Variants in FOCAD observed in about 807,000 individuals in gnomAD.
FOCAD encodes the protein KIAA1797.
In FOCAD, 198 loss-of-function variants were observed where a neutral mutation model predicts 225.6. The ratio of observed to expected loss-of-function variants is 0.88; its 90% CI spans 0.78 to 0.99. The LOEUF (loss-of-function observed/expected upper bound fraction) is 0.99, where lower values mean the gene tolerates loss of function less well. FOCAD is among the 50% of genes least tolerant of loss of function. The pLI is 0.00. For missense variants in FOCAD, 2,713 were observed against 2,123.6 expected, an observed-to-expected ratio of 1.28 and a Z score of -5.46; for synonymous variants, 897 against 755.0, an observed-to-expected ratio of 1.19 and a Z score of -3.08.
rs796275636 is a variant in FOCAD at position 20,770,151 on chromosome 9, G to C, written c.819G>C (p.Leu273=). ...IQLTQMSLQL[L]CVSEVSLKIT... is the part of the protein sequence containing the mutation. ...TTACCCAGATGAGTCTTCAGCTGCTGTGTGTCAGTGAAGTCAGCTTAAAGA... is the reference window on the plus strand; with the variant it reads ...TTACCCAGATGAGTCTTCAGCTGCTCTGTGTCAGTGAAGTCAGCTTAAAGA... Residue 273 remains leucine, a synonymous_variant, in exon 8 of 44, where the codon CTG becomes CTC. Transcript: ENST00000338382. 5 of 1,614,062 alleles carry C rather than the reference G, an allele frequency of 3.1e-6. No homozygotes were observed. The African/African-American group carries it at 5.3e-5, about 17-fold the overall frequency.
At chr9:20,676,748 C>G (rs921233315) in intron 2 of FOCAD, among the ~76,000 whole-genome samples, 5 of 152,078 alleles carry the variant, frequency 3.3e-5, no homozygotes, top group Non-Finnish European at 7.4e-5. Flanking sequence ...TTAAAGAAGA[C>G]ACAGATAAAT....
intron 4 of FOCAD, among the ~76,000 whole-genome samples, chr9:20,737,332 A>G (rs576424103): frequency 6.6e-6 from 1 of 152,342 alleles, no homozygotes; most frequent in East Asian, 1.9e-4. Flanking sequence ...TGTTATCTCT[A>G]GAACTCTAGT....
intron 4 of FOCAD, 82 bp downstream of exon 4, chr9:20,720,616 A>AGCT (rs1340128876): frequency 7.3e-7 from 1 of 1,376,860 alleles, no homozygotes; most frequent in African/African-American, 1.4e-5. Context: ...AAGAGTCAGC[A>AGCT]TTCATCCTAC....
At chr9:20,730,761 C>T (rs2131603226) in intron 4 of FOCAD, among the ~76,000 whole-genome samples, 1 of 152,250 alleles carries the variant, frequency 6.6e-6, no homozygotes, top group East Asian at 1.9e-4. Flanking sequence ...AATTAATTTA[C>T]AGGGTGGTAG....
intron 24 of FOCAD, among the ~76,000 whole-genome samples, chr9:20,921,861 T>C (rs776392486): frequency 2.6e-5 from 4 of 152,182 alleles, no homozygotes; most frequent in Non-Finnish European, 5.9e-5. Context: ...AAAAGAACTT[T>C]TTATGTTATC....
intron 19 of FOCAD, among the ~76,000 whole-genome samples, chr9:20,880,105 C>T (rs530167306): frequency 6.6e-6 from 1 of 152,308 alleles, no homozygotes; most frequent in Admixed American, 6.5e-5. Context: ...TCGGATATTA[C>T]TCATCTGTTT....
At chr9:20,725,750 T>G (rs1353355092) in intron 4 of FOCAD, among the ~76,000 whole-genome samples, 1 of 152,198 alleles carries the variant, frequency 6.6e-6, no homozygotes, top group African/African-American at 2.4e-5. Flanking sequence ...GAAAAAGACT[T>G]GACATTTGCA....
Position 20,907,133 on chromosome 9 carries a change from G to A in FOCAD, c.2626-17G>A. Reference sequence around the variant, plus strand: ...ATACTGTGTAGCCTAATATGTTGTGGTACATTTTTCCCATAGGTTCATATC... The same window carrying A: ...ATACTGTGTAGCCTAATATGTTGTGATACATTTTTCCCATAGGTTCATATC... On this transcript the variant is annotated splice_polypyrimidine_tract_variant and intron_variant, in intron 21 of 43. Coordinates refer to ENST00000338382, the MANE Select transcript of FOCAD (RefSeq NM_001375567.1). 2.5e-6 allele frequency: 4 copies of A among 1,590,628 alleles called. No homozygotes were observed. The highest frequency in any genetic ancestry group is 1.1e-5 in the South Asian group (1 of 90,484).
intron 15 of FOCAD, among the ~76,000 whole-genome samples, chr9:20,847,043 A>G (rs1334090594): frequency 6.6e-6 from 1 of 152,138 alleles, no homozygotes; most frequent in African/African-American, 2.4e-5. Context: ...TGCTAAATGC[A>G]AGCACTTTTG....
chr9:20,701,281 G>C (rs1196146272), intron 1 of FOCAD, among the ~76,000 whole-genome samples: 2 of 152,268 alleles, frequency 1.3e-5, no homozygotes, highest in South Asian at 4.1e-4. Flanking sequence ...TTCTTCCTGA[G>C]CGTTCCAATA....
chr9:20,788,988 T>G (rs1456547353), intron 10 of FOCAD, among the ~76,000 whole-genome samples: 1 of 152,092 alleles, frequency 6.6e-6, no homozygotes, highest in Non-Finnish European at 1.5e-5. Context: ...ATACAGTATT[T>G]TTTTTTTTTA....
intron 34 of FOCAD, 72 bp from the exon 35 acceptor site, chr9:20,952,913 T>G: frequency 1.4e-3 from 1,641 of 1,158,928 alleles, no homozygotes; most frequent in Non-Finnish European, 1.8e-3. Context: ...TATGGCAGCA[T>G]GAGATCATTA....
chr9:20,669,259 C>T (rs1821986779), intron 2 of FOCAD, among the ~76,000 whole-genome samples: 1 of 152,094 alleles, frequency 6.6e-6, no homozygotes, highest in African/African-American at 2.4e-5. Context: ...TTTATTTTGT[C>T]ACTAATTCCT....
At chr9:20,850,508 A>G (rs140807977) in intron 15 of FOCAD, among the ~76,000 whole-genome samples, 2,216 of 151,944 alleles carry the variant, frequency 0.015, 29 homozygotes, top group Admixed American at 0.024. Flanking sequence ...ATGTTATAGC[A>G]ATTTTATTTT....
intron 17 of FOCAD, 28 bp from the exon 18 acceptor site, chr9:20,866,901 T>C: frequency 1.3e-6 from 1 of 763,716 alleles, no homozygotes; most frequent in Non-Finnish European, 1.9e-6. Flanking sequence ...TTTTTTTTTT[T>C]TTTTTTTTTT....
intron 1 of FOCAD, among the ~76,000 whole-genome samples, chr9:20,696,375 T>C (rs952088437): frequency 2.0e-5 from 3 of 152,248 alleles, no homozygotes; most frequent in East Asian, 1.9e-4. Flanking sequence ...TGAGGTGATA[T>C]GTTTGATTGT....
At chr9:20,808,229 G>A (rs888127202) in intron 11 of FOCAD, among the ~76,000 whole-genome samples, 1 of 152,214 alleles carries the variant, frequency 6.6e-6, no homozygotes, top group African/African-American at 2.4e-5. Flanking sequence ...GGTGGCAGAA[G>A]TAGCCAGCCT....
chr9:20,980,297 C>G (rs1321514112), intron 37 of FOCAD, among the ~76,000 whole-genome samples: 1 of 152,062 alleles, frequency 6.6e-6, no homozygotes, highest in Non-Finnish European at 1.5e-5. Context: ...GTTTGCCTAG[C>G]TAATAAAAGA....
In FOCAD at chr9:20,933,211, C is replaced by G. The variant is rs1045000577; in HGVS notation, c.3407+108C>G. On this transcript the variant is annotated intron_variant, in intron 28 of 43. Transcript: ENST00000338382. ...TATTTTTTATTTTTATTTTTTATTT[C>G]CATAGGTTATTGGGGAACAGGTGGT... 3.8e-5 allele frequency: 29 copies of G among 768,330 alleles called. No individual in the cohort carries two copies. In the Admixed American group the frequency reaches 4.0e-4, roughly 11 times the overall value. The allele number at this position is 768,330 out of a possible 1,614,324, so 47.6% of individuals were successfully genotyped here.
Sources: allele counts gnomAD v4.1 joint callset (sites outside exome capture counted in the v4.1 genomes callset), GRCh38; gene constraint gnomAD v4.1.1; transcripts MANE v1.5; gene names NCBI Gene and HGNC (gene_info 2026-07-23, HGNC 2026-07-21).